SPIDR: variants seen among roughly 807,000 people sequenced by gnomAD.
SPIDR encodes the protein scaffold protein involved in DNA repair.
Under a neutral mutation model 104.6 loss-of-function variants are expected in SPIDR, and 93 were observed. The ratio of observed to expected loss-of-function variants is 0.89; its 90% confidence interval spans 0.75 to 1.06. SPIDR has a LOEUF of 1.06. Ranked by LOEUF, SPIDR falls within the 50% of genes least tolerant of loss-of-function variation. SPIDR has a pLI of 0.00. For synonymous variants in SPIDR, 431 were observed against 416.9 expected, an observed-to-expected ratio of 1.03 and a Z score of -0.41; for missense variants, 1,154 against 1,111.2, an observed-to-expected ratio of 1.04 and a Z score of -0.55.
chr8:47,720,136 T>TGCA (rs2083187914), intron 16 of SPIDR, among the ~76,000 whole-genome samples: 1 of 152,240 alleles, frequency 6.6e-6, no homozygotes, highest in Non-Finnish European at 1.5e-5. Flanking sequence ...GATTAGCTTA[T>TGCA]TTCCGTTAGC....
intron 8 of SPIDR, among the ~76,000 whole-genome samples, chr8:47,496,789 C>A (rs1334655512): frequency 1.4e-5 from 2 of 146,284 alleles, no homozygotes; most frequent in African/African-American, 5.3e-5. Context: ...GTAGAATTCA[C>A]CACTGAAACT....
intron 8 of SPIDR, among the ~76,000 whole-genome samples, chr8:47,490,277 G>A (rs1022270461): frequency 2.6e-5 from 4 of 152,194 alleles, no homozygotes; most frequent in Non-Finnish European, 4.4e-5. Flanking sequence ...TCAGAGAAAT[G>A]CAAATCAAAA....
At chr8:47,497,710 G>C (rs760104698) in intron 8 of SPIDR, among the ~76,000 whole-genome samples, 1 of 151,904 alleles carries the variant, frequency 6.6e-6, no homozygotes, top group Non-Finnish European at 1.5e-5. Flanking sequence ...ATTTTTTTTG[G>C]TAAGGCTTGA....
At chr8:47,603,905 C>CT (rs1326907121) in intron 10 of SPIDR, among the ~76,000 whole-genome samples, 1 of 152,116 alleles carries the variant, frequency 6.6e-6, no homozygotes, top group Non-Finnish European at 1.5e-5. Context: ...TTTTACTCCT[C>CT]TTTTTGGTCT....
At chr8:47,380,122 C>T (rs1051170640) in intron 5 of SPIDR, among the ~76,000 whole-genome samples, 4 of 152,210 alleles carry the variant, frequency 2.6e-5, no homozygotes, top group East Asian at 1.9e-4. Flanking sequence ...AACATGCCAT[C>T]GTGTTTGTTT....
chr8:47,656,291 A>C (rs1199378654), intron 10 of SPIDR, among the ~76,000 whole-genome samples: 2 of 152,226 alleles, frequency 1.3e-5, no homozygotes, highest in Non-Finnish European at 2.9e-5. Flanking sequence ...TTGTATCCAG[A>C]ATATGTAAAG....
intron 8 of SPIDR, among the ~76,000 whole-genome samples, chr8:47,471,571 G>A (rs966182438): frequency 9.2e-5 from 14 of 152,154 alleles, no homozygotes; most frequent in Non-Finnish European, 1.8e-4. Flanking sequence ...GGAAATATAA[G>A]AAGGCACAAT....
chr8:47,511,847 C>T, intron 8 of SPIDR: 1 of 856,974 alleles, frequency 1.2e-6, no homozygotes, highest in Non-Finnish European at 2.0e-6. Flanking sequence ...CCACTTCTCT[C>T]TGAGGCCCCG....
intron 10 of SPIDR, among the ~76,000 whole-genome samples, chr8:47,653,545 G>A (rs1040202595): frequency 6.6e-6 from 1 of 151,994 alleles, no homozygotes; most frequent in African/African-American, 2.4e-5. Context: ...ACTTCACTAA[G>A]TTCTTCCTTT....
intron 8 of SPIDR, among the ~76,000 whole-genome samples, chr8:47,538,767 C>A (rs2154387886): frequency 6.6e-6 from 1 of 150,764 alleles, no homozygotes; most frequent in Admixed American, 6.6e-5. Flanking sequence ...TCATATTTTT[C>A]TCTTTATGAA....
chr8:47,731,120 G>T (rs2085142072), intron 19 of SPIDR, among the ~76,000 whole-genome samples: 1 of 152,086 alleles, frequency 6.6e-6, no homozygotes, highest in Non-Finnish European at 1.5e-5. Flanking sequence ...GCTGGGTGTG[G>T]TGGTGCGCAT....
intron 8 of SPIDR, among the ~76,000 whole-genome samples, chr8:47,470,234 C>A (rs1392887390): frequency 6.6e-6 from 1 of 152,076 alleles, no homozygotes; most frequent in Admixed American, 6.6e-5. Context: ...ATAGAGGGCC[C>A]ACAAATAAGA....
intron 5 of SPIDR, among the ~76,000 whole-genome samples, chr8:47,358,715 A>G (rs2055078539): frequency 1.3e-5 from 2 of 152,244 alleles, no homozygotes; most frequent in Admixed American, 1.3e-4. Context: ...GTTCAATTGC[A>G]TTATCTGATC....
At position 47,280,224 on chromosome 8, in the gene SPIDR, A is replaced by AT. The variant is rs1263329691; in HGVS notation, c.189+217dup. Among the ~76,000 whole-genome samples the AT allele has an allele frequency of 5.9e-3, 867 of 146,334 alleles. 7 individuals are homozygous for AT. The highest frequency in any genetic ancestry group is 0.019 in the African/African-American group (755 of 39,982). ...GTTAGTATTCACCTTTTTATTTTTT[A>AT]TTTTTTTTTTATTTTATTTATTTAT... On this transcript the variant is annotated intron_variant, in intron 2 of 19. Transcript: ENST00000297423.
chr8:47,612,970 G>A (rs2063793291), intron 10 of SPIDR, among the ~76,000 whole-genome samples: 1 of 152,196 alleles, frequency 6.6e-6, no homozygotes, highest in Non-Finnish European at 1.5e-5. Context: ...GTATGTGTAT[G>A]TATGCATTAA....
chr8:47,675,154 A>C (rs2076260840), intron 11 of SPIDR, among the ~76,000 whole-genome samples: 1 of 152,144 alleles, frequency 6.6e-6, no homozygotes, highest in Non-Finnish European at 1.5e-5. Flanking sequence ...CTCCTGCCTC[A>C]GCCTCCCAAG....
At chr8:47,322,510 T>A (rs7832841) in intron 5 of SPIDR, among the ~76,000 whole-genome samples, 3 of 151,948 alleles carry the variant, frequency 2.0e-5, no homozygotes, top group African/African-American at 7.3e-5. Flanking sequence ...CTAGTTCAAC[T>A]ATTGTGGAAG....
chr8:47,319,279 G>A (rs985237089), intron 5 of SPIDR, among the ~76,000 whole-genome samples: 3 of 152,096 alleles, frequency 2.0e-5, no homozygotes, highest in Admixed American at 6.5e-5. Flanking sequence ...AACAAAAAAA[G>A]GCAGGGGTTT....
intron 11 of SPIDR, among the ~76,000 whole-genome samples, chr8:47,699,820 G>C (rs1393724485): frequency 2.6e-5 from 4 of 152,232 alleles, no homozygotes; most frequent in Non-Finnish European, 5.9e-5. Context: ...CTCCCAAAGT[G>C]CTGGGATTAT....
Sources: gnomAD v4.1 joint callset for allele counts (sites outside exome capture counted in the v4.1 genomes callset) on GRCh38, gnomAD v4.1.1 for gene constraint, MANE v1.5 for transcripts, NCBI Gene and HGNC (gene_info 2026-07-23, HGNC 2026-07-21) for gene names.